The following SEPTIN10 variants were observed in gnomAD, a reference collection of about 807,000 sequenced individuals.
The protein encoded by SEPTIN10 is septin-10.
SEPTIN10 carries 66 observed loss-of-function variants against 54.8 expected under a neutral mutation model. The observed-to-expected ratio is 1.21, with a 90% confidence interval of 0.99 to 1.48. The LOEUF is 1.48. Among genes scored for constraint, SEPTIN10 ranks in the 40% most tolerant of loss-of-function variants. The probability of loss-of-function intolerance (pLI) is 0.00; values close to 1 mark genes in which losing one functional copy is unlikely to be tolerated. For synonymous variants in SEPTIN10, 161 were observed against 181.0 expected (o/e 0.89, Z 0.89); for missense variants, 620 against 545.6 (o/e 1.14, Z -1.36).
In SEPTIN10 at chr2:109,546,350, A is replaced by G; in HGVS notation, c.1162-113T>C. The G allele has an allele frequency of 5.4e-6, 3 of 555,354 alleles. No individual in the cohort carries two copies. The East Asian group carries it at 9.3e-5, about 17-fold the overall frequency. 34.4% of individuals were successfully genotyped at this position (555,354 alleles called of 1,614,324 possible). A position where few individuals can be genotyped will look rare whatever the true frequency, so the allele number is the denominator to read the frequency against. The stretch of plus-strand genomic sequence containing the variant: ...TAGCGCAACACAGAATAACCTACAC[A>G]GTCAAAATCTTTCTGAAGTCTCAGA... On this transcript the variant is annotated intron_variant, in intron 9 of 10. Coordinates refer to ENST00000397712, the MANE Select transcript of SEPTIN10 (RefSeq NM_144710.5).
At chr2:109,547,539 C>T (rs1218959496) in intron 9 of SEPTIN10, among the ~76,000 whole-genome samples, 1 of 152,016 alleles carries the variant, frequency 6.6e-6, no homozygotes, top group Non-Finnish European at 1.5e-5. Context: ...CAGTTTTTCA[C>T]CTCCTTGGGG....
chr2:109,571,695 A>G (rs1688431912), intron 5 of SEPTIN10, among the ~76,000 whole-genome samples: 1 of 152,210 alleles, frequency 6.6e-6, no homozygotes, highest in Non-Finnish European at 1.5e-5. Context: ...AAGGAATTTC[A>G]GCATCCTCAG....
At chr2:109,587,180 A>G (rs59681015) in intron 2 of SEPTIN10, among the ~76,000 whole-genome samples, 4,735 of 152,244 alleles carry the variant, frequency 0.031, 243 homozygotes, top group African/African-American at 0.11. Flanking sequence ...GAAAGATATG[A>G]AAGAGCTCGC....
chr2:109,586,126 T>A (rs918151806), intron 2 of SEPTIN10, among the ~76,000 whole-genome samples: 2 of 152,226 alleles, frequency 1.3e-5, no homozygotes, highest in African/African-American at 4.8e-5. Flanking sequence ...TATGGCATAT[T>A]CACTTACAAA....
chr2:109,545,907 T>G, intron 10 of SEPTIN10, 143 bp downstream of exon 10: 2 of 1,445,124 alleles, frequency 1.4e-6, no homozygotes, highest in Non-Finnish European at 9.2e-7. Context: ...AGGGACAAGG[T>G]CTCTCCTCTC....
intron 1 of SEPTIN10, among the ~76,000 whole-genome samples, chr2:109,611,697 G>A (rs1461968674): frequency 6.6e-6 from 1 of 152,138 alleles, no homozygotes; most frequent in African/African-American, 2.4e-5. Context: ...GGAGATTGAG[G>A]CTGAGGTTGA....
chr2:109,549,318 A>G (rs762299055), intron 9 of SEPTIN10, among the ~76,000 whole-genome samples: 1 of 152,202 alleles, frequency 6.6e-6, no homozygotes, highest in Non-Finnish European at 1.5e-5. Flanking sequence ...CCTCACATGA[A>G]TATTAAAATA....
Position 109,585,112 on chromosome 2 carries a change from A to G in SEPTIN10, c.413+14T>C. On this transcript the variant is annotated intron_variant, in intron 4 of 10. Transcript: ENST00000397712. ...TAAGAAAAACTTGTTTTATTACAAG[A>G]AGAAAACACATACCTCTCTTCTTTA... is the stretch of plus-strand genomic sequence containing the variant. The G allele has an allele frequency of 1.3e-6, 2 of 1,506,016 alleles. No individual in the cohort carries two copies. The highest frequency in any genetic ancestry group is 2.2e-5 in the Admixed American group (1 of 45,734). 93.3% of individuals were successfully genotyped at this position (1,506,016 alleles called of 1,614,324 possible).
intron 1 of SEPTIN10, 147 bp downstream of exon 1, chr2:109,613,651 G>T: frequency 1.9e-6 from 1 of 514,272 alleles, no homozygotes; most frequent in Non-Finnish European, 2.9e-6. Context: ...CGGCCGCCGC[G>T]GAAGCCGGGG....
At chr2:109,599,575 G>A (rs141445577) in intron 1 of SEPTIN10, among the ~76,000 whole-genome samples, 321 of 152,064 alleles carry the variant, frequency 2.1e-3, no homozygotes, top group African/African-American at 6.7e-3. Context: ...GAGGGTGTCA[G>A]TACAGCAAGG....
At chr2:109,548,652 T>C (rs1230878080) in intron 9 of SEPTIN10, among the ~76,000 whole-genome samples, 1 of 151,908 alleles carries the variant, frequency 6.6e-6, no homozygotes, top group Non-Finnish European at 1.5e-5. Context: ...AGTGTGCGCC[T>C]GTAGTCCCAG....
At chr2:109,558,209 C>T (rs1444329794) in intron 8 of SEPTIN10, among the ~76,000 whole-genome samples, 2 of 152,154 alleles carry the variant, frequency 1.3e-5, no homozygotes, top group East Asian at 3.8e-4. Context: ...CAAGAAAAGT[C>T]CTTTCCTTCA....
intron 1 of SEPTIN10, among the ~76,000 whole-genome samples, chr2:109,599,259 A>C (rs1696035208): frequency 6.6e-6 from 1 of 152,046 alleles, no homozygotes; most frequent in Non-Finnish European, 1.5e-5. Context: ...GGAGTTTGAG[A>C]CCAGCCTGGC....
Position 109,552,308 on chromosome 2 carries a change from G to C in SEPTIN10, c.1161+779C>G, listed in dbSNP as rs534568038. ...CATCCTGAGAGACTGAGTTCAAATG[G>C]AAAGTAAAGCTACTTCACAGCCTTC... On this transcript the variant is annotated intron_variant, in intron 9 of 10. Transcript: ENST00000397712. Among the ~76,000 whole-genome samples, 3 of 152,270 alleles carry C rather than the reference G, an allele frequency of 2.0e-5. No homozygotes were observed. In the South Asian group the frequency reaches 6.2e-4, roughly 32 times the overall value.
At chr2:109,598,895 TA>T (rs915700236) in intron 1 of SEPTIN10, among the ~76,000 whole-genome samples, 26 of 149,756 alleles carry the variant, frequency 1.7e-4, no homozygotes, top group African/African-American at 4.9e-4. Context: ...AAAATAAAAA[TA>T]AAAAAAAAAT....
intron 9 of SEPTIN10, among the ~76,000 whole-genome samples, chr2:109,549,304 C>T (rs2104660128): frequency 6.6e-6 from 1 of 152,288 alleles, no homozygotes; most frequent in South Asian, 2.1e-4. Flanking sequence ...ATGGAGGTTG[C>T]ATACCTCACA....
chr2:109,569,336 C>G (rs925976519), intron 5 of SEPTIN10, among the ~76,000 whole-genome samples: 3 of 150,986 alleles, frequency 2.0e-5, no homozygotes, highest in African/African-American at 7.3e-5. Flanking sequence ...TAGGCTGCGG[C>G]AGAAGAATCG....
At position 109,567,945 on chromosome 2, in the gene SEPTIN10, T is replaced by A. The variant is rs1173027896; in HGVS notation, c.632A>T (p.Asp211Val). 6.2e-7 allele frequency: 1 copy of A among 1,613,140 alleles called. No homozygotes were observed. Among genetic ancestry groups the A allele is most frequent in the Non-Finnish European group, 8.5e-7 (1 of 1,179,714 alleles). ...CTGTAATTCAGTTTTAGAAACCGTA[T>A]CTGCTTTGGCAATCACTGGTATAAT... is the stretch of plus-strand genomic sequence containing the variant. Reference protein sequence around the residue: ...VNIIPVIAKADTVSKTELQKF... With the variant: ...VNIIPVIAKAVTVSKTELQKF... The change falls in exon 6 of 11, where the codon GAT becomes GTT. Residue 211 changes from aspartate to valine, a missense_variant. By Grantham distance (152) the Asp-to-Val change is radical. Coordinates refer to ENST00000397712, the MANE Select transcript of SEPTIN10 (RefSeq NM_144710.5).
At chr2:109,584,423 C>T (rs1691963801) in intron 4 of SEPTIN10, among the ~76,000 whole-genome samples, 3 of 128,860 alleles carry the variant, frequency 2.3e-5, no homozygotes, top group East Asian at 2.2e-4. Flanking sequence ...TGCAGTGAGT[C>T]GAAATCATGC....
Sources: allele counts gnomAD v4.1 joint callset (sites outside exome capture counted in the v4.1 genomes callset), GRCh38; gene constraint gnomAD v4.1.1; transcripts MANE v1.5; gene names NCBI Gene and HGNC (gene_info 2026-07-23, HGNC 2026-07-21).